CDC40: variants seen among roughly 807,000 people sequenced by gnomAD.
The protein encoded by CDC40 is cell division cycle 40.
A neutral mutation model predicts 80.6 loss-of-function variants in CDC40; 27 were observed. The observed-to-expected ratio is 0.33, with a 90% CI of 0.25 to 0.46. The LOEUF (loss-of-function observed/expected upper bound fraction) is 0.46, where lower values mean the gene tolerates loss of function less well. Ranked by LOEUF, CDC40 falls within the 20% of genes least tolerant of loss-of-function variation. The pLI, the probability that CDC40 is intolerant of heterozygous loss-of-function variation, is 1.00. For synonymous variants in CDC40, 221 were observed against 232.6 expected (o/e 0.95, Z 0.45); for missense variants, 486 against 694.1 (o/e 0.70, Z 3.37).
intron 1 of CDC40, among the ~76,000 whole-genome samples, chr6:110,189,920 C>G (rs958178383): frequency 1.3e-5 from 2 of 152,212 alleles, no homozygotes; most frequent in African/African-American, 2.4e-5. Flanking sequence ...TACTAACAGT[C>G]ACTCTCACAA....
Position 110,193,169 on chromosome 6 carries a change from G to A in CDC40, c.190-13G>A. ...TTATCAGATCATTAATATTTATTTG[G>A]TATTCTTTTTAGGAAGATTTGGAGA... On this transcript the variant is annotated splice_polypyrimidine_tract_variant and intron_variant, in intron 1 of 14. Coordinates refer to ENST00000307731, the MANE Select transcript of CDC40 (RefSeq NM_015891.3). 1.3e-6 allele frequency: 2 copies of A among 1,509,418 alleles called. No homozygotes were observed. Among genetic ancestry groups the A allele is most frequent in the Non-Finnish European group, 9.2e-7 (1 of 1,085,604 alleles). 93.5% of individuals were successfully genotyped at this position (1,509,418 alleles called of 1,614,324 possible).
chr6:110,205,646 C>T (rs980151868), intron 3 of CDC40, among the ~76,000 whole-genome samples: 10 of 152,084 alleles, frequency 6.6e-5, no homozygotes, highest in African/African-American at 1.9e-4. Context: ...AGACAAGGAC[C>T]AGGGATACCT....
chr6:110,222,562 CA>C (rs1030781081), intron 12 of CDC40, among the ~76,000 whole-genome samples: 8 of 151,374 alleles, frequency 5.3e-5, no homozygotes, highest in Admixed American at 5.3e-4. Flanking sequence ...ATCTCAAAAA[CA>C]AAAAAAACAA....
intron 12 of CDC40, among the ~76,000 whole-genome samples, chr6:110,220,325 T>A (rs1383634645): frequency 6.6e-6 from 1 of 152,164 alleles, no homozygotes; most frequent in Non-Finnish European, 1.5e-5. Flanking sequence ...ATTAGTCTGT[T>A]TTCACACTAC....
chr6:110,192,483 T>G (rs1777364814), intron 1 of CDC40, among the ~76,000 whole-genome samples: 1 of 152,164 alleles, frequency 6.6e-6, no homozygotes, highest in South Asian at 2.1e-4. Flanking sequence ...TTGGATATAT[T>G]AAGTTTGAGA....
At chr6:110,215,261 A>T (rs749070771) in intron 8 of CDC40, 25 bp from the exon 9 acceptor site, 13 of 1,598,714 alleles carry the variant, frequency 8.1e-6, no homozygotes, top group African/African-American at 8.1e-5. Flanking sequence ...TAATATTTCC[A>T]TGTGTTGTTT....
chr6:110,212,389 T>C (rs1777648426), intron 7 of CDC40, 117 bp downstream of exon 7: 4 of 989,006 alleles, frequency 4.0e-6, no homozygotes, highest in African/African-American at 1.6e-5. Flanking sequence ...GGAAGTCAAA[T>C]TGAATGTAAG....
chr6:110,200,302 A>G (rs1777478619), intron 2 of CDC40, among the ~76,000 whole-genome samples: 1 of 152,210 alleles, frequency 6.6e-6, no homozygotes, highest in Admixed American at 6.5e-5. Flanking sequence ...GTTGATATCT[A>G]GAGAATGCAA....
intron 2 of CDC40, among the ~76,000 whole-genome samples, chr6:110,193,932 A>C (rs1777385335): frequency 6.6e-6 from 1 of 152,202 alleles, no homozygotes; most frequent in South Asian, 2.1e-4. Context: ...ATTGGGGCTT[A>C]CCAGCATCAA....
At chr6:110,199,368 G>A (rs1777460329) in intron 2 of CDC40, among the ~76,000 whole-genome samples, 1 of 151,872 alleles carries the variant, frequency 6.6e-6, no homozygotes, top group South Asian at 2.1e-4. Context: ...GGCAGAGGCG[G>A]GCGGATACGA....
In CDC40 at chr6:110,207,688, C is replaced by T. The variant is rs908454232; in HGVS notation, c.490+99C>T. Reference sequence around the variant, plus strand: ...TTAGACAGTAAAAAATAGTATTTAGCGCTTTTTTTTTTAAAGTTGAAACAA... The same window carrying T: ...TTAGACAGTAAAAAATAGTATTTAGTGCTTTTTTTTTTAAAGTTGAAACAA... On this transcript the variant is annotated intron_variant, in intron 4 of 14. Transcript: ENST00000307731. The T allele has an allele frequency of 1.6e-4, 106 of 683,780 alleles. 1 individual carries two copies. Among genetic ancestry groups the T allele is most frequent in the East Asian group, 2.1e-4 (8 of 37,948 alleles). 42.4% of individuals were successfully genotyped at this position (683,780 alleles called of 1,614,324 possible).
At chr6:110,215,376 AAAGT>A in intron 9 of CDC40, 45 bp downstream of exon 9, 1 of 1,432,732 alleles carries the variant, frequency 7.0e-7, no homozygotes, top group Non-Finnish European at 9.9e-7. Context: ...AAGAATTTTT[AAAGT>A]AAGATAACAT....
In CDC40 at chr6:110,230,959, TAGG is replaced by T. The variant is rs1777929031; in HGVS notation, c.*831_*833del. 6.6e-6 allele frequency: 1 copy of T among 152,248 alleles called. No homozygotes were observed. Among genetic ancestry groups the T allele is most frequent in the Non-Finnish European group, 1.5e-5 (1 of 68,044 alleles). The allele number at this position is 152,248 out of a possible 1,614,324, so 9.4% of individuals were successfully genotyped here. ...GCTGTGATTACTGAAATCCTCCTCATAGGAGATAAAGTACGAGGGGTAGAGTCC... is the reference window on the plus strand; with the variant it reads ...GCTGTGATTACTGAAATCCTCCTCATAGATAAAGTACGAGGGGTAGAGTCC... On this transcript the variant is annotated 3_prime_UTR_variant, in exon 15 of 15. Transcript: ENST00000307731.
Position 110,230,362 on chromosome 6 carries a change from A to G in CDC40, c.*231A>G. On this transcript the variant is annotated 3_prime_UTR_variant, in exon 15 of 15. Coordinates refer to ENST00000307731, the MANE Select transcript of CDC40 (RefSeq NM_015891.3). Reference sequence around the variant, plus strand: ...GCTATTGACTTTCTATTTGACAAGTAGTTATAATTGGCAAGCAGTTTGAGT... The same window carrying G: ...GCTATTGACTTTCTATTTGACAAGTGGTTATAATTGGCAAGCAGTTTGAGT... 2.4e-6 allele frequency: 1 copy of G among 411,070 alleles called. No individual in the cohort carries two copies. The highest frequency in any genetic ancestry group is 4.3e-6 in the Non-Finnish European group (1 of 232,772). The allele number at this position is 411,070 out of a possible 1,614,324, so 25.5% of individuals were successfully genotyped here. A position where few individuals can be genotyped will look rare whatever the true frequency, so the allele number is the denominator to read the frequency against.
At chr6:110,214,777 GAGCCTTTTATTTT>G (rs71990751) in intron 8 of CDC40, among the ~76,000 whole-genome samples, 3,837 of 152,232 alleles carry the variant, frequency 0.025, 158 homozygotes, top group African/African-American at 0.088. Context: ...TGAGAATTAT[GAGCCTTTTATTTT>G]AGTCTAGATC....
chr6:110,219,416 C>G lies in CDC40; in HGVS notation c.1143C>G (p.Phe381Leu). 6.2e-7 allele frequency: 1 copy of G among 1,609,978 alleles called. No homozygotes were observed. Among genetic ancestry groups the G allele is most frequent in the Non-Finnish European group, 8.5e-7 (1 of 1,176,684 alleles). Residue 381 changes from phenylalanine to leucine, a missense_variant, in exon 11 of 15, where the codon TTC becomes TTG. This residue lies in a region of CDC40 where 381 missense variants were observed against 492.1 expected (regional missense o/e 0.77). Transcript: ENST00000307731. ...TNRKVPYCVK[F>L]NPDEDKQNLF... is the part of the protein sequence containing the mutation. ...GAAAAGTACCTTATTGTGTCAAATTCAATCCTGATGAAGATAAGCAAAATC... is the reference window on the plus strand; with the variant it reads ...GAAAAGTACCTTATTGTGTCAAATTGAATCCTGATGAAGATAAGCAAAATC...
At position 110,219,414 on chromosome 6, in the gene CDC40, T is replaced by A; in HGVS notation, c.1141T>A (p.Phe381Ile). 6.2e-7 allele frequency: 1 copy of A among 1,610,400 alleles called. No individual in the cohort carries two copies. Among genetic ancestry groups the A allele is most frequent in the Non-Finnish European group, 8.5e-7 (1 of 1,176,926 alleles). The change falls in exon 11 of 15, where the codon TTC (phenylalanine) becomes ATC (isoleucine). Residue 381 changes from phenylalanine (F) to isoleucine (I), a missense_variant. By Grantham distance (21) the Phe-to-Ile change is conservative. Transcript: ENST00000307731. ...CCGAAAAGTACCTTATTGTGTCAAATTCAATCCTGATGAAGATAAGCAAAA... is the reference window on the plus strand; with the variant it reads ...CCGAAAAGTACCTTATTGTGTCAAAATCAATCCTGATGAAGATAAGCAAAA... Reference protein sequence around the residue: ...TNRKVPYCVKFNPDEDKQNLF... With the variant: ...TNRKVPYCVKINPDEDKQNLF...
chr6:110,202,942 A>G (rs1777511990), intron 3 of CDC40, among the ~76,000 whole-genome samples: 1 of 152,184 alleles, frequency 6.6e-6, no homozygotes, highest in African/African-American at 2.4e-5. Flanking sequence ...GTTAAAGACA[A>G]AAAATGAATT....
At chr6:110,212,623 A>C (rs961413821) in intron 7 of CDC40, among the ~76,000 whole-genome samples, 1 of 152,106 alleles carries the variant, frequency 6.6e-6, no homozygotes, top group African/African-American at 2.4e-5. Flanking sequence ...AGCTTCAGTA[A>C]TTTTGCTTTA....
Sources: gnomAD v4.1 joint callset for allele counts (sites outside exome capture counted in the v4.1 genomes callset) on GRCh38, gnomAD v4.1.1 for gene constraint, gnomAD v4.1.1 regional missense constraint, MANE v1.5 for transcripts, NCBI Gene and HGNC (gene_info 2026-07-23, HGNC 2026-07-21) for gene names.